Variants in BORCS5 observed in about 807,000 individuals in gnomAD.
BORCS5 encodes the protein BLOC-1 related complex subunit 5.
In BORCS5, 17 loss-of-function variants were observed where a neutral mutation model predicts 22.1. The observed-to-expected ratio is 0.77, with a 90% confidence interval of 0.53 to 1.15. The LOEUF (loss-of-function observed/expected upper bound fraction) is 1.15, where lower values mean the gene tolerates loss of function less well. BORCS5 is among the 50% of genes most tolerant of loss of function. The pLI is 0.00. For missense variants in BORCS5, 247 were observed against 253.2 expected (o/e 0.98, Z 0.17); for synonymous variants, 117 against 99.8 (o/e 1.17, Z -1.03).
At chr12:12,416,427 T>C (rs1941956798) in intron 2 of BORCS5, among the ~76,000 whole-genome samples, 1 of 151,872 alleles carries the variant, frequency 6.6e-6, no homozygotes, top group African/African-American at 2.4e-5. Context: ...TGGTGTGAGA[T>C]CTTTCTTTTT....
intron 1 of BORCS5, 73 bp downstream of exon 1, chr12:12,357,582 G>A (rs1410536170): frequency 1.3e-6 from 2 of 1,507,216 alleles, no homozygotes; most frequent in Non-Finnish European, 1.8e-6. Flanking sequence ...TCCCAGACTA[G>A]GGTCAGGGAC....
At chr12:12,449,034 A>C (rs7954290) in intron 3 of BORCS5, among the ~76,000 whole-genome samples, 1 of 152,112 alleles carries the variant, frequency 6.6e-6, no homozygotes, top group Non-Finnish European at 1.5e-5. Flanking sequence ...TGAAGTGGCA[A>C]CTCCGCCTAC....
At position 12,470,231 on chromosome 12, in the gene BORCS5, C is replaced by T. The variant is rs940825742; in HGVS notation, c.*4455C>T. On this transcript the variant is annotated 3_prime_UTR_variant, in exon 4 of 4. Coordinates refer to ENST00000314565, the MANE Select transcript of BORCS5 (RefSeq NM_058169.6). ...GACTACAGGTGCCCGCCACCACACCCGGCTAATTTTTTATTTTTAGTAGAG... is the reference window on the plus strand; with the variant it reads ...GACTACAGGTGCCCGCCACCACACCTGGCTAATTTTTTATTTTTAGTAGAG... Among the ~76,000 whole-genome samples the T allele has an allele frequency of 1.2e-4, 19 of 152,242 alleles. No homozygotes were observed. Among genetic ancestry groups the T allele is most frequent in the African/African-American group, 4.3e-4 (18 of 41,556 alleles).
intron 2 of BORCS5, among the ~76,000 whole-genome samples, chr12:12,421,067 C>A (rs1942108662): frequency 6.6e-6 from 1 of 152,148 alleles, no homozygotes; most frequent in East Asian, 1.9e-4. Context: ...ATTGCCCTGG[C>A]CAGAACTTCC....
At chr12:12,417,649 G>A (rs1465326091) in intron 2 of BORCS5, among the ~76,000 whole-genome samples, 3 of 152,030 alleles carry the variant, frequency 2.0e-5, no homozygotes, top group Non-Finnish European at 4.4e-5. Context: ...GTGTATAAAT[G>A]TTTATAATTT....
intron 3 of BORCS5, among the ~76,000 whole-genome samples, chr12:12,448,748 C>G (rs1486119666): frequency 1.3e-5 from 2 of 151,710 alleles, no homozygotes; most frequent in Non-Finnish European, 2.9e-5. Flanking sequence ...AGGCTGGTCT[C>G]AAACTCCTGA....
intron 3 of BORCS5, among the ~76,000 whole-genome samples, chr12:12,457,275 A>C (rs1221827927): frequency 2.6e-5 from 4 of 152,254 alleles, no homozygotes; most frequent in Admixed American, 2.6e-4. Context: ...GCTTAAGGTC[A>C]TGAAGGTAAT....
intron 2 of BORCS5, among the ~76,000 whole-genome samples, chr12:12,422,723 G>A (rs1942167091): frequency 6.6e-6 from 1 of 152,012 alleles, no homozygotes; most frequent in Admixed American, 6.6e-5. Context: ...CCTTTCAGTT[G>A]TTAATGTCAC....
chr12:12,432,711 T>G (rs181838711), intron 2 of BORCS5, among the ~76,000 whole-genome samples: 2 of 152,332 alleles, frequency 1.3e-5, no homozygotes, highest in East Asian at 3.9e-4. Flanking sequence ...AATTAACCAT[T>G]GATATATCAA....
At position 12,412,827 on chromosome 12, in the gene BORCS5, G is replaced by T. The variant is rs7342337; in HGVS notation, c.203-22801G>T. On this transcript the variant is annotated intron_variant, in intron 2 of 3. Coordinates refer to ENST00000314565, the MANE Select transcript of BORCS5 (RefSeq NM_058169.6). ...TGTTTGTTGAGTGTTTTATTTGTTT[G>T]TTTTTATCAAGAAAGGGTGTTGAAT... Among the ~76,000 whole-genome samples the T allele has an allele frequency of 3.9e-4, 54 of 138,236 alleles. 1 individual carries two copies. Among genetic ancestry groups the T allele is most frequent in the African/African-American group, 1.4e-3 (53 of 37,402 alleles). The allele number at this position is 138,236 out of a possible 152,430, so 90.7% of individuals were successfully genotyped here.
At chr12:12,436,024 T>A (rs1442358110) in intron 3 of BORCS5, 1 of 428,878 alleles carries the variant, frequency 2.3e-6, no homozygotes, top group Non-Finnish European at 4.1e-6. Flanking sequence ...AGTTTCCTCA[T>A]GTGAAAAATG....
chr12:12,414,162 A>AC (rs1297108531), intron 2 of BORCS5, among the ~76,000 whole-genome samples: 20 of 55,890 alleles, frequency 3.6e-4, no homozygotes, highest in African/African-American at 1.1e-3. Flanking sequence ...CGGGGGGCTG[A>AC]CCCCCCCACC....
intron 1 of BORCS5, among the ~76,000 whole-genome samples, chr12:12,359,097 G>A (rs117669794): frequency 1.3e-5 from 2 of 152,204 alleles, no homozygotes; most frequent in East Asian, 3.9e-4. Context: ...ATGATTTCTT[G>A]GTCTAGGGAG....
intron 2 of BORCS5, among the ~76,000 whole-genome samples, chr12:12,414,289 G>A (rs1941847019): frequency 1.5e-5 from 1 of 65,296 alleles, no homozygotes; most frequent in Non-Finnish European, 3.2e-5. Flanking sequence ...CGGCCAGGCA[G>A]AGGCGCCCCT....
chr12:12,414,031 CTGGA>C (rs1488316577), intron 2 of BORCS5, among the ~76,000 whole-genome samples: 1 of 76,076 alleles, frequency 1.3e-5, no homozygotes, highest in African/African-American at 7.2e-5. Context: ...CCCTCACCTC[CTGGA>C]CGGGGCGGCT....
At chr12:12,364,882 A>G (rs11612892) in intron 2 of BORCS5, among the ~76,000 whole-genome samples, 62,841 of 152,024 alleles carry the variant, frequency 0.41, 13,362 homozygotes, top group Non-Finnish European at 0.47. Flanking sequence ...TGGGAGTATC[A>G]CTTGAGCCCT....
chr12:12,383,813 C>G (rs1863824031), intron 2 of BORCS5, among the ~76,000 whole-genome samples: 1 of 150,630 alleles, frequency 6.6e-6, no homozygotes, highest in Non-Finnish European at 1.5e-5. Flanking sequence ...TGTATTTATC[C>G]TACTTGGGGC....
At chr12:12,381,901 A>G (rs1195168512) in intron 2 of BORCS5, among the ~76,000 whole-genome samples, 3 of 150,918 alleles carry the variant, frequency 2.0e-5, no homozygotes, top group African/African-American at 7.3e-5. Flanking sequence ...TGAATTGTGT[A>G]TTTTTCCTTT....
At chr12:12,386,172 T>C (rs978934301) in intron 2 of BORCS5, among the ~76,000 whole-genome samples, 3 of 151,056 alleles carry the variant, frequency 2.0e-5, no homozygotes. Context: ...GGCTAATTTT[T>C]GTATTTTTAG....
Sources: allele counts gnomAD v4.1 joint callset (sites outside exome capture counted in the v4.1 genomes callset), GRCh38; gene constraint gnomAD v4.1.1; transcripts MANE v1.5; gene names NCBI Gene and HGNC (gene_info 2026-07-23, HGNC 2026-07-21).